DRG1: variants seen among roughly 807,000 people sequenced by gnomAD.
DRG1 encodes developmentally regulated GTP binding protein 1, also known as developmentally-regulated GTP-binding protein 1.
Under a neutral mutation model 38.8 loss-of-function variants are expected in DRG1, and 19 were observed. That is an observed-to-expected ratio of 0.49 (90% CI 0.34 to 0.72). The LOEUF (loss-of-function observed/expected upper bound fraction) is 0.72. Among genes scored for constraint, DRG1 ranks in the 30% least tolerant of loss-of-function variants. The probability of loss-of-function intolerance (pLI) is 0.01; values close to 1 mark genes in which losing one functional copy is unlikely to be tolerated. For missense variants in DRG1, 299 were observed against 444.8 expected, an observed-to-expected ratio of 0.67 and a Z score of 2.95; for synonymous variants, 167 against 157.5, an observed-to-expected ratio of 1.06 and a Z score of -0.45.
intron 8 of DRG1, among the ~76,000 whole-genome samples, chr22:31,429,300 GT>G (rs1601535964): frequency 6.6e-6 from 1 of 151,652 alleles, no homozygotes; most frequent in Non-Finnish European, 1.5e-5. Context: ...TGTATTTTTA[GT>G]AGAAATTTTT....
intron 6 of DRG1, among the ~76,000 whole-genome samples, chr22:31,424,117 G>T (rs1465246617): frequency 1.3e-5 from 2 of 151,564 alleles, no homozygotes; most frequent in African/African-American, 4.8e-5. Context: ...ACCCCACCTC[G>T]GTCTCCCAAA....
chr22:31,408,099 C>T (rs2049999170), intron 3 of DRG1, among the ~76,000 whole-genome samples: 1 of 147,052 alleles, frequency 6.8e-6, no homozygotes, highest in Admixed American at 6.8e-5. Flanking sequence ...GCACTCCAGC[C>T]TGGGTGATGG....
intron 3 of DRG1, among the ~76,000 whole-genome samples, chr22:31,407,313 T>C (rs1206256948): frequency 6.6e-6 from 1 of 152,124 alleles, no homozygotes; most frequent in Non-Finnish European, 1.5e-5. Context: ...CTGTGGGTCT[T>C]GTCTGTAACA....
intron 4 of DRG1, among the ~76,000 whole-genome samples, chr22:31,412,870 T>TA (rs1317939609): frequency 2.0e-5 from 3 of 151,960 alleles, no homozygotes; most frequent in Non-Finnish European, 4.4e-5. Context: ...GTATTTTTAG[T>TA]AGAGACAGGG....
chr22:31,399,796 T>C, intron 1 of DRG1, 71 bp downstream of exon 1: 1 of 1,610,240 alleles, frequency 6.2e-7, no homozygotes, highest in South Asian at 1.1e-5. Flanking sequence ...TCCTTCCTGT[T>C]CTCCTTTGAG....
intron 6 of DRG1, among the ~76,000 whole-genome samples, chr22:31,424,621 CCT>C (rs2050097924): frequency 6.6e-6 from 1 of 150,864 alleles, no homozygotes; most frequent in East Asian, 1.9e-4. Flanking sequence ...GCCTCAGCCC[CCT>C]GAGTAGCTGG....
chr22:31,403,289 G>A lies in DRG1; in HGVS notation c.342+85G>A, dbSNP rs887792037. ...TTATTGGGAGCTCACTGTATGCCAG[G>A]CCTGATCTTTGATCTACCAGGCACT... On this transcript the variant is annotated intron_variant, in intron 3 of 8. Transcript: ENST00000331457. 18 of 1,407,996 alleles carry A rather than the reference G, an allele frequency of 1.3e-5. No homozygotes were observed. In the South Asian group the frequency reaches 2.5e-4, roughly 19 times the overall value. The allele number at this position is 1,407,996 out of a possible 1,614,324, so 87.2% of individuals were successfully genotyped here.
chr22:31,420,319 A>G lies in DRG1; in HGVS notation c.476A>G (p.Lys159Arg). The change falls in exon 5 of 9, where the codon AAG (lysine) becomes AGG (arginine). Residue 159 changes from lysine (K) to arginine (R), a missense_variant. By Grantham distance (26) the Lys-to-Arg change is conservative. This residue lies in a region of DRG1 where 198 missense variants were observed against 268.1 expected (regional missense o/e 0.74). Transcript: ENST00000331457. The part of the protein sequence containing the change: ...LDVLKPLGHK[K>R]IIENELEGFG... Reference sequence around the variant, plus strand: ...GTCCTGAAACCTTTGGGACATAAGAAGATAATTGAAAATGAGCTGGAAGGC... The same window carrying G: ...GTCCTGAAACCTTTGGGACATAAGAGGATAATTGAAAATGAGCTGGAAGGC... 1 of 1,614,200 alleles carries G rather than the reference A, an allele frequency of 6.2e-7. No individual in the cohort carries two copies. The highest frequency in any genetic ancestry group is 8.5e-7 in the Non-Finnish European group (1 of 1,180,038).
At chr22:31,426,916 G>T in intron 7 of DRG1, 134 bp downstream of exon 7, 3 of 1,478,898 alleles carry the variant, frequency 2.0e-6, no homozygotes, top group Non-Finnish European at 2.7e-6. Flanking sequence ...TTATCTACTA[G>T]GTCATTAGGT....
At chr22:31,424,488 C>CTTTTTTTTTTTTTTTTTTTT (rs398036881) in intron 6 of DRG1, among the ~76,000 whole-genome samples, 1 of 71,396 alleles carries the variant, frequency 1.4e-5, no homozygotes, top group African/African-American at 5.9e-5. Context: ...GCTTTGGTTT[C>CTTTTTTTTTTTTTTTTTTTT]TTTTTTTTTT....
intron 5 of DRG1, chr22:31,421,389 T>C (rs1432697285): frequency 6.6e-6 from 1 of 151,380 alleles, no homozygotes; most frequent in East Asian, 1.9e-4. Flanking sequence ...CCCAAAGTGT[T>C]GGGATTACAG....
At chr22:31,401,310 C>A (rs974428740) in intron 2 of DRG1, among the ~76,000 whole-genome samples, 1 of 150,766 alleles carries the variant, frequency 6.6e-6, no homozygotes, top group African/African-American at 2.4e-5. Context: ...AGGCTGGGTG[C>A]GGTGGCTCAC....
chr22:31,426,929 T>C, intron 7 of DRG1, 131 bp from the exon 8 acceptor site: 1 of 1,494,216 alleles, frequency 6.7e-7, no homozygotes, highest in East Asian at 2.3e-5. Context: ...CATTAGGTCA[T>C]ATTGAGGACA....
At chr22:31,405,980 G>A (rs9606838) in intron 3 of DRG1, among the ~76,000 whole-genome samples, 100 of 151,784 alleles carry the variant, frequency 6.6e-4, no homozygotes, top group Non-Finnish European at 1.3e-3. Flanking sequence ...GAGCCACCAT[G>A]CCTGGCCGTT....
At chr22:31,414,059 C>G (rs2050032025) in intron 4 of DRG1, among the ~76,000 whole-genome samples, 1 of 152,176 alleles carries the variant, frequency 6.6e-6, no homozygotes, top group African/African-American at 2.4e-5. Flanking sequence ...TCTCTGACAC[C>G]AGTGCCCCTT....
intron 5 of DRG1, among the ~76,000 whole-genome samples, chr22:31,422,963 C>T (rs1202554464): frequency 1.3e-5 from 2 of 151,974 alleles, no homozygotes; most frequent in African/African-American, 2.4e-5. Flanking sequence ...GATTATGGCC[C>T]CACCCTAATG....
At chr22:31,419,968 G>A (rs137859440) in intron 4 of DRG1, among the ~76,000 whole-genome samples, 30 of 152,202 alleles carry the variant, frequency 2.0e-4, no homozygotes, top group African/African-American at 6.0e-4. Flanking sequence ...GCTTGAACCC[G>A]GGAGGCAGAG....
intron 4 of DRG1, among the ~76,000 whole-genome samples, chr22:31,417,362 T>C (rs1412428341): frequency 6.8e-6 from 1 of 148,004 alleles, no homozygotes; most frequent in Non-Finnish European, 1.5e-5. Context: ...AGAGCAAGAC[T>C]CTGTGTCAAA....
At chr22:31,416,792 A>G (rs1172268023) in intron 4 of DRG1, among the ~76,000 whole-genome samples, 1 of 151,654 alleles carries the variant, frequency 6.6e-6, no homozygotes, top group Non-Finnish European at 1.5e-5. Context: ...AGTCCCAGCT[A>G]CTCAGAAGGC....
Sources: allele counts gnomAD v4.1 joint callset (sites outside exome capture counted in the v4.1 genomes callset), GRCh38; gene constraint gnomAD v4.1.1; regional missense constraint gnomAD v4.1.1; transcripts MANE v1.5; gene names NCBI Gene and HGNC (gene_info 2026-07-23, HGNC 2026-07-21).